MTAP: variants seen among roughly 807,000 people sequenced by gnomAD.
MTAP encodes the protein methylthioadenosine phosphorylase.
Under a neutral mutation model 33.6 loss-of-function variants are expected in MTAP, and 33 were observed. The ratio of observed to expected loss-of-function variants is 0.98; its 90% CI spans 0.74 to 1.31. MTAP has a LOEUF of 1.31. Ranked by LOEUF, MTAP falls within the 40% of genes most tolerant of loss-of-function variation. The pLI is 0.00. For synonymous variants in MTAP, 148 were observed against 125.7 expected (o/e 1.18, Z -1.19); for missense variants, 367 against 360.0 (o/e 1.02, Z -0.16).
intron 1 of MTAP, chr9:21,930,319 C>T: frequency 4.7e-6 from 1 of 212,648 alleles, no homozygotes; most frequent in East Asian, 1.3e-4. Context: ...GTTTTGACAT[C>T]TCTACTTGTC....
At chr9:21,924,896 G>T (rs1467534828) in intron 1 of MTAP, among the ~76,000 whole-genome samples, 1 of 152,198 alleles carries the variant, frequency 6.6e-6, no homozygotes. Flanking sequence ...TGCATCAAAG[G>T]GTTCCATAAA....
chr9:21,877,336 A>G (rs1826027375), intron 1 of MTAP, among the ~76,000 whole-genome samples: 1 of 151,976 alleles, frequency 6.6e-6, no homozygotes, highest in African/African-American at 2.4e-5. Flanking sequence ...CTTCCTATTT[A>G]GATGCTCTCT....
At chr9:21,842,744 A>T (rs1380975556) in intron 5 of MTAP, among the ~76,000 whole-genome samples, 1 of 152,238 alleles carries the variant, frequency 6.6e-6, no homozygotes, top group Non-Finnish European at 1.5e-5. Context: ...ACACTACAAG[A>T]AATGCTTAAA....
At chr9:21,910,116 C>T (rs1156956856) in intron 1 of MTAP, among the ~76,000 whole-genome samples, 2 of 152,052 alleles carry the variant, frequency 1.3e-5, no homozygotes, top group Non-Finnish European at 2.9e-5. Context: ...TGCTATGTAG[C>T]AATCACCATT....
At chr9:21,938,301 A>G (rs1198616469), downstream of MTAP, among the ~76,000 whole-genome samples, 4 of 150,590 alleles carry the variant, frequency 2.7e-5, no homozygotes, top group East Asian at 3.9e-4. Context: ...TTAGCCTAAC[A>G]TGGTGTCATG....
intron 1 of MTAP, among the ~76,000 whole-genome samples, chr9:21,900,707 T>C (rs1249118387): frequency 6.6e-6 from 1 of 152,126 alleles, no homozygotes; most frequent in Non-Finnish European, 1.5e-5. Flanking sequence ...CCATAAAGAC[T>C]CATGCATGCT....
chr9:21,903,370 T>C (rs1016254231), intron 1 of MTAP, among the ~76,000 whole-genome samples: 1 of 152,132 alleles, frequency 6.6e-6, no homozygotes, highest in South Asian at 2.1e-4. Context: ...ACTGATAATA[T>C]GCAAAGGAGA....
At chr9:21,802,867 A>G (rs779907646) in intron 1 of MTAP, 86 bp downstream of exon 1, 3 of 1,561,962 alleles carry the variant, frequency 1.9e-6, no homozygotes, top group African/African-American at 1.4e-5. Flanking sequence ...TCCGGGGGCC[A>G]TGCGCCCGGC....
chr9:21,932,097 A>T (rs1217813615), downstream of MTAP: 1 of 152,184 alleles, frequency 6.6e-6, no homozygotes, highest in Non-Finnish European at 1.5e-5. Flanking sequence ...ACGTTGACTG[A>T]CTTAACTCCA....
intron 1 of MTAP, chr9:21,930,973 A>G (rs773746577): frequency 1.3e-6 from 1 of 742,862 alleles, no homozygotes; most frequent in Non-Finnish European, 2.5e-6. Flanking sequence ...TCAAAAATCT[A>G]ATAACCCAAT....
At chr9:21,843,767 A>G (rs908126957) in intron 5 of MTAP, among the ~76,000 whole-genome samples, 2 of 152,248 alleles carry the variant, frequency 1.3e-5, no homozygotes, top group Non-Finnish European at 2.9e-5. Context: ...GGGAAAGTTC[A>G]TAGCATTAAA....
intron 1 of MTAP, among the ~76,000 whole-genome samples, chr9:21,909,607 C>A (rs1016141965): frequency 1.3e-5 from 2 of 152,008 alleles, no homozygotes; most frequent in Admixed American, 6.6e-5. Flanking sequence ...GCATACTAAG[C>A]TAATAAGTAA....
chr9:21,937,001 A>G (rs896063667), exon 8 of MTAP: 3 of 152,214 alleles, frequency 2.0e-5, no homozygotes, highest in African/African-American at 7.2e-5. Context: ...CACACACACA[A>G]AATGAATGAC....
chr9:21,885,918 C>T (rs1319188667), intron 1 of MTAP, among the ~76,000 whole-genome samples: 1 of 151,794 alleles, frequency 6.6e-6, no homozygotes, highest in Non-Finnish European at 1.5e-5. Context: ...ATAAACATGC[C>T]TATGCAAGTG....
chr9:21,846,607 G>T (rs574288819), intron 5 of MTAP, among the ~76,000 whole-genome samples: 1 of 152,210 alleles, frequency 6.6e-6, no homozygotes, highest in African/African-American at 2.4e-5. Context: ...TGTAGATGTG[G>T]TGTAAAGGGA....
intron 1 of MTAP, among the ~76,000 whole-genome samples, chr9:21,884,407 A>C: frequency 6.6e-6 from 1 of 152,222 alleles, no homozygotes; most frequent in East Asian, 1.9e-4. Flanking sequence ...GTGCAACAAT[A>C]TGGCTGAACC....
intron 4 of MTAP, among the ~76,000 whole-genome samples, chr9:21,837,392 A>G (rs1414337922): frequency 6.6e-6 from 1 of 152,214 alleles, no homozygotes; most frequent in African/African-American, 2.4e-5. Flanking sequence ...GCAACTGTTT[A>G]AAAACAAATT....
chr9:21,916,999 G>A (rs950626557), intron 1 of MTAP, among the ~76,000 whole-genome samples: 1 of 152,182 alleles, frequency 6.6e-6, no homozygotes, highest in African/African-American at 2.4e-5. Context: ...TCAGAATCTA[G>A]AATTATTTTG....
rs1458906859 is a variant in MTAP at position 21,914,124 on chromosome 9, G to T, written c.148-16884G>T. On this transcript the variant is annotated intron_variant, in intron 1 of 1. Transcript: ENST00000577563. ...TAGAATGGCGATCATTAAAAAGTCAGGAAACAATAGGTGCTGGAGAGGATG... is the reference window on the plus strand; with the variant it reads ...TAGAATGGCGATCATTAAAAAGTCATGAAACAATAGGTGCTGGAGAGGATG... Among the ~76,000 whole-genome samples, 3 of 152,266 alleles carry T rather than the reference G, an allele frequency of 2.0e-5. No homozygotes were observed. In the East Asian group the frequency reaches 5.8e-4, roughly 29 times the overall value.
Sources: allele counts gnomAD v4.1 joint callset (sites outside exome capture counted in the v4.1 genomes callset), GRCh38; gene constraint gnomAD v4.1.1; transcripts MANE v1.5; gene names NCBI Gene and HGNC (gene_info 2026-07-23, HGNC 2026-07-21).